ERBB4: variants seen among roughly 807,000 people sequenced by gnomAD.
ERBB4 encodes the protein erb-b2 receptor tyrosine kinase 4.
Under a neutral mutation model 158.0 loss-of-function variants are expected in ERBB4, and 42 were observed. The observed-to-expected ratio is 0.27, with a 90% CI of 0.21 to 0.34. ERBB4 has a LOEUF of 0.34. Among genes scored for constraint, ERBB4 ranks in the 10% least tolerant of loss-of-function variants. The pLI is 1.00. For missense variants in ERBB4, 1,333 were observed against 1,624.1 expected, an observed-to-expected ratio of 0.82 and a Z score of 3.08; for synonymous variants, 583 against 558.7, an observed-to-expected ratio of 1.04 and a Z score of -0.61.
intron 12 of ERBB4, among the ~76,000 whole-genome samples, chr2:211,695,954 TTTC>T (rs146176269): frequency 0.035 from 5,205 of 150,696 alleles, 292 homozygotes; most frequent in African/African-American, 0.12. Flanking sequence ...TTTCTTTTTA[TTTC>T]TTCTTTCTTT....
rs376265975 is a variant in ERBB4 at position 212,493,563 on chromosome 2, C to T, written c.82+44886G>A. Among the ~76,000 whole-genome samples the T allele has an allele frequency of 1.5e-4, 23 of 151,708 alleles. No homozygotes were observed. The East Asian group carries it at 3.7e-3, about 24-fold the overall frequency. ...GTCATATTTAGGATACAGATTACTT[C>T]GCAGACACATAGTTCAAATTTCATA... On this transcript the variant is annotated intron_variant, in intron 1 of 27. Coordinates refer to ENST00000342788, the MANE Select transcript of ERBB4 (RefSeq NM_005235.3).
intron 1 of ERBB4, among the ~76,000 whole-genome samples, chr2:212,508,785 T>C (rs542889927): frequency 1.2e-3 from 179 of 152,234 alleles, no homozygotes; most frequent in Non-Finnish European, 1.8e-3. Flanking sequence ...ATAGCAGTTA[T>C]GTAATCTTCC....
chr2:211,546,775 C>T (rs941051647), intron 20 of ERBB4, among the ~76,000 whole-genome samples: 9 of 152,098 alleles, frequency 5.9e-5, no homozygotes, highest in Non-Finnish European at 1.2e-4. Context: ...TCAAGGAAGA[C>T]TGACAAATTG....
At chr2:211,971,396 T>A (rs1098064) in intron 2 of ERBB4, among the ~76,000 whole-genome samples, 4 of 151,974 alleles carry the variant, frequency 2.6e-5, no homozygotes, top group African/African-American at 7.3e-5. Flanking sequence ...AATGAGTTCT[T>A]AAATTGAGGC....
At chr2:211,670,140 T>C (rs1279481313) in intron 14 of ERBB4, among the ~76,000 whole-genome samples, 4 of 152,180 alleles carry the variant, frequency 2.6e-5, no homozygotes, top group African/African-American at 9.7e-5. Context: ...CTCTTGGATA[T>C]CTTAAATGAT....
intron 1 of ERBB4, among the ~76,000 whole-genome samples, chr2:212,126,291 C>T (rs192950043): frequency 3.7e-4 from 56 of 151,988 alleles, no homozygotes; most frequent in South Asian, 8.3e-4. Flanking sequence ...GAAACCCTGT[C>T]TCTACCAAAA....
At chr2:212,207,788 C>T (rs781715579) in intron 1 of ERBB4, among the ~76,000 whole-genome samples, 1 of 152,048 alleles carries the variant, frequency 6.6e-6, no homozygotes, top group Non-Finnish European at 1.5e-5. Flanking sequence ...TAGAATTTTA[C>T]CTGCTTTATA....
At chr2:211,864,840 G>A (rs184593016) in intron 3 of ERBB4, among the ~76,000 whole-genome samples, 1 of 151,828 alleles carries the variant, frequency 6.6e-6, no homozygotes, top group Non-Finnish European at 1.5e-5. Flanking sequence ...GTGGCACCCT[G>A]TCTCTACTAA....
chr2:211,584,064 C>A (rs1340049822), intron 19 of ERBB4, among the ~76,000 whole-genome samples: 1 of 148,264 alleles, frequency 6.7e-6, no homozygotes, highest in Non-Finnish European at 1.5e-5. Context: ...AAAGTAATTG[C>A]AAGAGCAAAA....
At chr2:211,706,608 A>AAC (rs1559440009) in intron 9 of ERBB4, among the ~76,000 whole-genome samples, 1 of 151,840 alleles carries the variant, frequency 6.6e-6, no homozygotes, top group Non-Finnish European at 1.5e-5. Flanking sequence ...AAACAAAAAA[A>AAC]AAAAAAACAA....
At chr2:212,175,914 C>A (rs2081649673) in intron 1 of ERBB4, among the ~76,000 whole-genome samples, 1 of 151,958 alleles carries the variant, frequency 6.6e-6, no homozygotes, top group South Asian at 2.1e-4. Flanking sequence ...GGTCACCCAG[C>A]AGCTAAGACC....
At chr2:211,489,665 G>A (rs1325779801) in intron 20 of ERBB4, among the ~76,000 whole-genome samples, 6 of 151,676 alleles carry the variant, frequency 4.0e-5, no homozygotes, top group Non-Finnish European at 8.8e-5. Flanking sequence ...AAAATTAAAG[G>A]TAAAAGTGAA....
chr2:211,550,574 AATATATAT>A (rs376362405), intron 20 of ERBB4, among the ~76,000 whole-genome samples: 3 of 136,918 alleles, frequency 2.2e-5, no homozygotes, highest in East Asian at 4.1e-4. Context: ...CATTCCTTAG[AATATATAT>A]ATATATATAT....
intron 1 of ERBB4, among the ~76,000 whole-genome samples, chr2:212,263,417 A>G (rs1224851500): frequency 6.6e-6 from 1 of 152,118 alleles, no homozygotes; most frequent in African/African-American, 2.4e-5. Flanking sequence ...GTCTTTTTAT[A>G]TGCGTGCCTA....
intron 3 of ERBB4, among the ~76,000 whole-genome samples, chr2:211,866,925 C>A (rs1390846439): frequency 6.6e-6 from 1 of 150,768 alleles, no homozygotes; most frequent in Non-Finnish European, 1.5e-5. Context: ...CTTTAGAGTG[C>A]TCCCCTCCCT....
intron 3 of ERBB4, among the ~76,000 whole-genome samples, chr2:211,810,368 G>T (rs971742171): frequency 1.3e-5 from 2 of 152,114 alleles, no homozygotes; most frequent in African/African-American, 4.8e-5. Flanking sequence ...ATGAATCTGG[G>T]TAATCCTGTA....
At chr2:212,498,348 A>G (rs748534243) in intron 1 of ERBB4, among the ~76,000 whole-genome samples, 5 of 152,168 alleles carry the variant, frequency 3.3e-5, no homozygotes, top group African/African-American at 4.8e-5. Flanking sequence ...CCATTTCCCA[A>G]CTTGACTAAT....
At chr2:212,469,671 T>C (rs1429230737) in intron 1 of ERBB4, among the ~76,000 whole-genome samples, 6 of 152,194 alleles carry the variant, frequency 3.9e-5, no homozygotes, top group African/African-American at 1.2e-4. Flanking sequence ...TACTGTTTTT[T>C]AATTTTTTGG....
chr2:211,521,455 A>G (rs2066182882), intron 20 of ERBB4, among the ~76,000 whole-genome samples: 1 of 152,182 alleles, frequency 6.6e-6, no homozygotes. Context: ...AGGTTGGTTC[A>G]TGAGGTATAA....
Sources: gnomAD v4.1 joint callset for allele counts (sites outside exome capture counted in the v4.1 genomes callset) on GRCh38, gnomAD v4.1.1 for gene constraint, MANE v1.5 for transcripts, NCBI Gene and HGNC (gene_info 2026-07-23, HGNC 2026-07-21) for gene names.